The following DPP10 variants were observed in gnomAD, a reference collection of about 807,000 sequenced individuals.
The protein encoded by DPP10 is inactive dipeptidyl peptidase 10.
DPP10 carries 33 observed loss-of-function variants against 120.9 expected under a neutral mutation model. That is an observed-to-expected ratio of 0.27 (90% CI 0.21 to 0.37). The LOEUF (loss-of-function observed/expected upper bound fraction) is 0.37, where lower values mean the gene tolerates loss of function less well. Ranked by LOEUF, DPP10 falls within the 10% of genes least tolerant of loss-of-function variation. DPP10 has a pLI of 1.00. For missense variants in DPP10, 816 were observed against 942.8 expected (o/e 0.87, Z 1.76); for synonymous variants, 337 against 326.1 (o/e 1.03, Z -0.36).
intron 1 of DPP10, among the ~76,000 whole-genome samples, chr2:114,954,442 A>G (rs1466704354): frequency 3.9e-5 from 6 of 152,066 alleles, no homozygotes; most frequent in Non-Finnish European, 7.4e-5. Context: ...ACAGACAAAA[A>G]CTTATGGCAT....
intron 1 of DPP10, among the ~76,000 whole-genome samples, chr2:115,215,746 A>G (rs2056781886): frequency 6.6e-6 from 1 of 152,158 alleles, no homozygotes; most frequent in East Asian, 1.9e-4. Flanking sequence ...TAATCCAGCA[A>G]TCCCATTACT....
intron 1 of DPP10, among the ~76,000 whole-genome samples, chr2:115,187,623 C>T (rs929944511): frequency 2.0e-5 from 3 of 152,018 alleles, no homozygotes; most frequent in Non-Finnish European, 4.4e-5. Context: ...GGAAGAACTT[C>T]CAGAGAGAGC....
intron 1 of DPP10, among the ~76,000 whole-genome samples, chr2:114,518,620 C>T (rs1418386361): frequency 6.6e-6 from 1 of 152,164 alleles, no homozygotes; most frequent in South Asian, 2.1e-4. Context: ...TCTTGTTTCT[C>T]CAGCTGTCCT....
intron 1 of DPP10, among the ~76,000 whole-genome samples, chr2:114,891,661 A>G (rs965526339): frequency 1.5e-4 from 23 of 152,216 alleles, no homozygotes; most frequent in African/African-American, 4.8e-4. Context: ...AGAGGGCATA[A>G]TCAGTCAGAA....
intron 1 of DPP10, among the ~76,000 whole-genome samples, chr2:115,244,990 G>A (rs1204709428): frequency 6.6e-6 from 1 of 151,782 alleles, no homozygotes; most frequent in East Asian, 1.9e-4. Context: ...TTATCCCTCA[G>A]CTCCCTCAGC....
At chr2:115,448,113 G>A (rs1346814522) in intron 3 of DPP10, among the ~76,000 whole-genome samples, 1 of 152,172 alleles carries the variant, frequency 6.6e-6, no homozygotes, top group Non-Finnish European at 1.5e-5. Flanking sequence ...GAGGTACAGT[G>A]AATGAGATTG....
intron 1 of DPP10, among the ~76,000 whole-genome samples, chr2:114,530,482 G>A (rs755145355): frequency 2.0e-5 from 3 of 152,110 alleles, no homozygotes; most frequent in African/African-American, 4.8e-5. Context: ...GACTTGAGGA[G>A]TTTGGGAATA....
chr2:115,213,136 G>A (rs928298392), intron 1 of DPP10, among the ~76,000 whole-genome samples: 33 of 152,128 alleles, frequency 2.2e-4, no homozygotes, highest in Non-Finnish European at 4.3e-4. Flanking sequence ...GAGAATTATA[G>A]GAAAGTCTTC....
intron 5 of DPP10, among the ~76,000 whole-genome samples, chr2:115,560,885 C>T (rs961494197): frequency 6.6e-6 from 1 of 152,116 alleles, no homozygotes; most frequent in Non-Finnish European, 1.5e-5. Flanking sequence ...CTTGATGTCT[C>T]ACAACATGGG....
chr2:115,347,752 G>A (rs1046489080), intron 3 of DPP10, among the ~76,000 whole-genome samples: 1 of 151,966 alleles, frequency 6.6e-6, no homozygotes, highest in Non-Finnish European at 1.5e-5. Context: ...CTGTCCTTGC[G>A]ATAGTTTGCT....
In DPP10 at chr2:114,559,647, T is replaced by TCA. The variant is rs576452944; in HGVS notation, c.60+116815_60+116816dup. Among the ~76,000 whole-genome samples the TCA allele has an allele frequency of 5.8e-4, 89 of 152,138 alleles. No individual in the cohort carries two copies. In the East Asian group the frequency reaches 0.014, roughly 24 times the overall value. On this transcript the variant is annotated intron_variant, in intron 1 of 25. Coordinates refer to ENST00000410059, the MANE Select transcript of DPP10 (RefSeq NM_020868.6). ...TTCCCTATTAGCTAGATTCCCCAAT[T>TCA]CACACACCTGGAATCTCCAGAGAGG...
At chr2:114,510,633 AC>A (rs1458921842) in intron 1 of DPP10, among the ~76,000 whole-genome samples, 28 of 152,200 alleles carry the variant, frequency 1.8e-4, no homozygotes, top group Admixed American at 5.9e-4. Flanking sequence ...CAAAAAACAA[AC>A]AAAAATCCTA....
intron 1 of DPP10, among the ~76,000 whole-genome samples, chr2:114,859,704 G>A (rs1399209597): frequency 1.3e-5 from 2 of 152,116 alleles, no homozygotes; most frequent in Admixed American, 6.6e-5. Flanking sequence ...GCTTCTCTGT[G>A]CCTCTACCAA....
Position 115,415,841 on chromosome 2 carries a change from T to TTATATATATATATA in DPP10, c.271+71951_271+71964dup, listed in dbSNP as rs70941057. On this transcript the variant is annotated intron_variant, in intron 3 of 25. Transcript: ENST00000410059. ...ATCTGTCTTTATACCTGATTTGCTT[T>TTATATATATATATA]TATATATATATATATATATATATAT... Among the ~76,000 whole-genome samples, 273 of 74,250 alleles carry TTATATATATATATA rather than the reference T, an allele frequency of 3.7e-3. 5 individuals are homozygous for TTATATATATATATA. The highest frequency in any genetic ancestry group is 5.4e-3 in the South Asian group (10 of 1,860). 48.7% of individuals were successfully genotyped at this position (74,250 alleles called of 152,430 possible).
At chr2:115,531,457 A>G (rs1189187945) in intron 5 of DPP10, among the ~76,000 whole-genome samples, 1 of 152,060 alleles carries the variant, frequency 6.6e-6, no homozygotes, top group East Asian at 1.9e-4. Context: ...AAGAGCAATG[A>G]TCTACCCTGT....
chr2:114,694,202 G>C (rs1373893847), intron 1 of DPP10, among the ~76,000 whole-genome samples: 1 of 151,666 alleles, frequency 6.6e-6, no homozygotes, highest in Non-Finnish European at 1.5e-5. Flanking sequence ...CTCCTCATAG[G>C]ACTGTGGTGA....
chr2:115,665,338 A>G (rs750820244), intron 5 of DPP10, among the ~76,000 whole-genome samples: 6 of 152,234 alleles, frequency 3.9e-5, no homozygotes, highest in Non-Finnish European at 2.9e-5. Context: ...CTGAGATACC[A>G]TCAATTGAAA....
chr2:115,126,307 G>A (rs746039188), intron 1 of DPP10, among the ~76,000 whole-genome samples: 6 of 151,758 alleles, frequency 4.0e-5, no homozygotes, highest in Non-Finnish European at 5.9e-5. Context: ...TCACCACATC[G>A]CCCAGCCTGG....
chr2:115,536,542 A>C (rs2078855028), intron 5 of DPP10, among the ~76,000 whole-genome samples: 1 of 152,016 alleles, frequency 6.6e-6, no homozygotes, highest in African/African-American at 2.4e-5. Context: ...TATATTTTTT[A>C]CATTAATTAG....
Sources: gnomAD v4.1 joint callset for allele counts (sites outside exome capture counted in the v4.1 genomes callset) on GRCh38, gnomAD v4.1.1 for gene constraint, MANE v1.5 for transcripts, NCBI Gene and HGNC (gene_info 2026-07-23, HGNC 2026-07-21) for gene names.